CCDC30: variants seen among roughly 807,000 people sequenced by gnomAD.
The protein encoded by CCDC30 is coiled-coil domain containing 30.
CCDC30 carries 70 observed loss-of-function variants against 100.2 expected under a neutral mutation model. The observed-to-expected ratio is 0.70, with a 90% confidence interval of 0.58 to 0.85. The LOEUF (loss-of-function observed/expected upper bound fraction) is 0.85, where lower values mean the gene tolerates loss of function less well. Ranked by LOEUF, CCDC30 falls within the 40% of genes least tolerant of loss-of-function variation. The probability of loss-of-function intolerance (pLI) is 0.00; values close to 1 mark genes in which losing one functional copy is unlikely to be tolerated. For missense variants in CCDC30, 652 were observed against 771.2 expected (o/e 0.85, Z 1.83); for synonymous variants, 233 against 269.5 (o/e 0.86, Z 1.33).
intron 6 of CCDC30, among the ~76,000 whole-genome samples, chr1:42,505,806 A>T (rs1644385985): frequency 6.6e-6 from 1 of 152,194 alleles, no homozygotes; most frequent in African/African-American, 2.4e-5. Flanking sequence ...TACTGACCAT[A>T]GGTCAGGAAT....
chr1:42,528,541 A>G (rs1162497745), intron 6 of CCDC30, among the ~76,000 whole-genome samples: 2 of 152,226 alleles, frequency 1.3e-5, no homozygotes, highest in Non-Finnish European at 2.9e-5. Context: ...GAAAGAAGGA[A>G]GATTGATTGG....
At chr1:42,617,750 G>A (rs1646753406) in intron 11 of CCDC30, among the ~76,000 whole-genome samples, 1 of 152,152 alleles carries the variant, frequency 6.6e-6, no homozygotes, top group African/African-American at 2.4e-5. Context: ...GTCATCAGCT[G>A]GTGCACCTCA....
At chr1:42,472,921 A>G (rs994014812) in intron 1 of CCDC30, among the ~76,000 whole-genome samples, 8 of 152,166 alleles carry the variant, frequency 5.3e-5, no homozygotes, top group Non-Finnish European at 1.0e-4. Flanking sequence ...CTTTAGAAAT[A>G]TCTTGGATTT....
intron 6 of CCDC30, chr1:42,539,286 A>G (rs1343261332): frequency 1.3e-6 from 2 of 1,596,838 alleles, no homozygotes; most frequent in Non-Finnish European, 8.5e-7. Flanking sequence ...TGTTACAAAG[A>G]GAGAATTCTG....
In CCDC30 at chr1:42,637,015, G is replaced by C. The variant is rs186046854; in HGVS notation, c.1278-222G>C. On this transcript the variant is annotated intron_variant, in intron 11 of 16. Coordinates refer to ENST00000668663, the Ensembl canonical transcript of CCDC30. ...AAAGACCAAGATAAGCCAAATACTT[G>C]AGTCCACAGCAGTAGTTAAAGCTGG... Among the ~76,000 whole-genome samples, 7 of 134,164 alleles carry C rather than the reference G, an allele frequency of 5.2e-5. No homozygotes were observed. In the East Asian group the frequency reaches 1.8e-3, roughly 34 times the overall value. The allele number at this position is 134,164 out of a possible 152,430, so 88.0% of individuals were successfully genotyped here.
chr1:42,491,149 T>C (rs72659925), intron 4 of CCDC30, among the ~76,000 whole-genome samples: 19,678 of 152,234 alleles, frequency 0.13, 1,466 homozygotes, highest in East Asian at 0.18. Flanking sequence ...GCTTTCTTAG[T>C]AATTAATAGT....
At chr1:42,593,443 C>G (rs1000738079) in intron 10 of CCDC30, 6 of 152,232 alleles carry the variant, frequency 3.9e-5, no homozygotes, top group Non-Finnish European at 5.9e-5. Context: ...ATTCAGCAAC[C>G]TAGAAGCTCC....
At chr1:42,612,767 ACCAACAGTCAGTG>A (rs1646649702) in intron 11 of CCDC30, among the ~76,000 whole-genome samples, 1 of 152,126 alleles carries the variant, frequency 6.6e-6, no homozygotes, top group African/African-American at 2.4e-5. Flanking sequence ...CGTATGCTTG[ACCAACAGTCAGTG>A]CCAAACAGGC....
intron 1 of CCDC30, among the ~76,000 whole-genome samples, chr1:42,469,068 A>G (rs1643681256): frequency 6.6e-6 from 1 of 152,096 alleles, no homozygotes; most frequent in South Asian, 2.1e-4. Context: ...TACAGCAAAG[A>G]GATCATATGT....
intron 6 of CCDC30, among the ~76,000 whole-genome samples, chr1:42,546,419 T>A (rs796374746): frequency 0.19 from 1,799 of 9,236 alleles, 259 homozygotes; most frequent in African/African-American, 0.3. Context: ...TATATATATA[T>A]ATATATATAT....
rs116626501 is a variant in CCDC30 at position 42,472,999 on chromosome 1, T to C, written c.-91-7462T>C. The C allele has an allele frequency of 1.5e-4, 129 of 848,050 alleles. 1 individual carries two copies. The African/African-American group carries it at 1.9e-3, about 12-fold the overall frequency. 52.5% of individuals were successfully genotyped at this position (848,050 alleles called of 1,614,324 possible). A position where few individuals can be genotyped will look rare whatever the true frequency, so the allele number is the denominator to read the frequency against. On this transcript the variant is annotated intron_variant, in intron 1 of 16. Transcript: ENST00000668663. ...TTCAGGTAGCTTACTAGCTTTCTAT[T>C]GCTAGTACCCTAAAGACTAGTACTC...
chr1:42,559,630 C>G (rs1287631765), intron 6 of CCDC30, among the ~76,000 whole-genome samples: 1 of 152,020 alleles, frequency 6.6e-6, no homozygotes, highest in Non-Finnish European at 1.5e-5. Context: ...ACAGGAGCAC[C>G]CAGAATCATA....
chr1:42,490,647 T>C (rs1644123579), intron 4 of CCDC30, among the ~76,000 whole-genome samples: 1 of 151,950 alleles, frequency 6.6e-6, no homozygotes, highest in Non-Finnish European at 1.5e-5. Flanking sequence ...CTCACAACAG[T>C]CTATGGCCAT....
chr1:42,483,002 C>T (rs1443197685), intron 3 of CCDC30, 186 bp downstream of exon 3: 2 of 387,630 alleles, frequency 5.2e-6, no homozygotes, highest in African/African-American at 4.1e-5. Flanking sequence ...GCATATCTAC[C>T]AAAAGTGCAC....
chr1:42,542,505 A>C (rs930951919), intron 6 of CCDC30, among the ~76,000 whole-genome samples: 2 of 150,180 alleles, frequency 1.3e-5, no homozygotes, highest in South Asian at 4.2e-4. Flanking sequence ...GACCACAGGC[A>C]CATGGCACCA....
intron 6 of CCDC30, among the ~76,000 whole-genome samples, chr1:42,546,431 T>TATGTATATATATGTATATATATGTAC (rs1645145160): frequency 1.0e-5 from 1 of 96,666 alleles, no homozygotes; most frequent in Non-Finnish European, 2.1e-5. Flanking sequence ...TATATATATA[T>TATGTATATATATGTATATATATGTAC]ATATATATAT....
chr1:42,604,089 C>T (rs530927255), intron 10 of CCDC30, among the ~76,000 whole-genome samples: 9 of 152,020 alleles, frequency 5.9e-5, no homozygotes, highest in African/African-American at 2.2e-4. Context: ...TGGTACATGC[C>T]TGTAGTCCTA....
chr1:42,463,098 T>C (rs545018303), upstream of CCDC30, among the ~76,000 whole-genome samples: 1 of 152,206 alleles, frequency 6.6e-6, no homozygotes, highest in Admixed American at 6.5e-5. Context: ...TACAGCTGTC[T>C]CCAAAGCCAA....
At chr1:42,457,128 C>A in the CCDC30 span, 11 of 1,578,936 alleles carry the variant, frequency 7.0e-6, no homozygotes, top group Non-Finnish European at 9.5e-6. Context: ...TCTTTCCAGC[C>A]ACTTATCCCC....
Sources: allele counts gnomAD v4.1 joint callset (sites outside exome capture counted in the v4.1 genomes callset), GRCh38; gene constraint gnomAD v4.1.1; transcripts MANE v1.5; gene names NCBI Gene and HGNC (gene_info 2026-07-23, HGNC 2026-07-21).